The following PTPRG variants were observed in gnomAD, a reference collection of about 807,000 sequenced individuals.
PTPRG encodes receptor-type tyrosine-protein phosphatase gamma.
PTPRG carries 102 observed loss-of-function variants against 165.3 expected under a neutral mutation model. That is an observed-to-expected ratio of 0.62 (90% CI 0.53 to 0.73). The LOEUF (loss-of-function observed/expected upper bound fraction) is 0.73, where lower values mean the gene tolerates loss of function less well. Among genes scored for constraint, PTPRG ranks in the 30% least tolerant of loss-of-function variants. The pLI, the probability that PTPRG is intolerant of heterozygous loss-of-function variation, is 0.00. For missense variants in PTPRG, 1,866 were observed against 1,861.4 expected (o/e 1.00, Z -0.05); for synonymous variants, 675 against 669.5 (o/e 1.01, Z -0.13).
At chr3:62,265,511 C>T (rs763963362) in intron 17 of PTPRG, among the ~76,000 whole-genome samples, 1 of 151,992 alleles carries the variant, frequency 6.6e-6, no homozygotes, top group Non-Finnish European at 1.5e-5. Flanking sequence ...TTCTTGATTC[C>T]TTGAATTTCT....
intron 1 of PTPRG, among the ~76,000 whole-genome samples, chr3:61,744,766 A>T (rs943518306): frequency 6.6e-6 from 1 of 152,220 alleles, no homozygotes; most frequent in Non-Finnish European, 1.5e-5. Flanking sequence ...TGCTGAGGTT[A>T]AAAGTCCTGC....
intron 2 of PTPRG, among the ~76,000 whole-genome samples, chr3:61,889,471 A>G (rs2038146776): frequency 6.6e-6 from 1 of 152,238 alleles, no homozygotes; most frequent in African/African-American, 2.4e-5. Context: ...CTTGATTAGC[A>G]AAGTTAAATT....
intron 2 of PTPRG, among the ~76,000 whole-genome samples, chr3:61,876,851 C>T (rs184829902): frequency 1.3e-5 from 2 of 152,128 alleles, no homozygotes; most frequent in African/African-American, 4.8e-5. Flanking sequence ...ATACTTCTGC[C>T]TAATATCATT....
chr3:62,157,136 G>A lies in PTPRG; in HGVS notation c.752G>A (p.Arg251Gln), dbSNP rs921686524. 3 of 1,613,258 alleles carry A rather than the reference G, an allele frequency of 1.9e-6. No individual in the cohort carries two copies. Among genetic ancestry groups the A allele is most frequent in the East Asian group, 2.2e-5 (1 of 44,858 alleles). ...CCTGCATCCCTGGGCAGCTATTATC[G>A]GTACACAGGTTCCTTGACCACACCA... is the stretch of plus-strand genomic sequence containing the variant. ...LLPASLGSYY[R>Q]YTGSLTTPPC... The change falls in exon 7 of 30, where the codon CGG (arginine) becomes CAG (glutamine). Residue 251 changes from arginine to glutamine, a missense_variant. Physicochemically the swap from Arg to Gln is conservative, Grantham distance 43. Transcript: ENST00000474889.
At chr3:62,278,896 C>G (rs1702329363) in intron 26 of PTPRG, among the ~76,000 whole-genome samples, 1 of 152,044 alleles carries the variant, frequency 6.6e-6, no homozygotes, top group Non-Finnish European at 1.5e-5. Flanking sequence ...GTTATTGTCA[C>G]TTAACAGAGG....
intron 4 of PTPRG, among the ~76,000 whole-genome samples, chr3:62,071,784 G>A (rs1201612842): frequency 6.6e-6 from 1 of 152,132 alleles, no homozygotes; most frequent in South Asian, 2.1e-4. Context: ...TAGGAGCTTT[G>A]TAAATTTCAA....
intron 28 of PTPRG, among the ~76,000 whole-genome samples, chr3:62,289,815 G>A (rs985602736): frequency 6.7e-6 from 1 of 148,894 alleles, no homozygotes; most frequent in African/African-American, 2.5e-5. Flanking sequence ...TAAAAACTTA[G>A]AAGCTTGAAC....
chr3:62,058,420 C>G (rs1173337451), intron 4 of PTPRG, among the ~76,000 whole-genome samples: 1 of 152,042 alleles, frequency 6.6e-6, no homozygotes, highest in South Asian at 2.1e-4. Flanking sequence ...ATCTTCCCAC[C>G]TCAGTCTCTG....
intron 6 of PTPRG, among the ~76,000 whole-genome samples, chr3:62,149,521 G>A (rs1358419936): frequency 6.6e-6 from 1 of 152,094 alleles, no homozygotes; most frequent in African/African-American, 2.4e-5. Flanking sequence ...ACCCACCTTG[G>A]CCTCCCCCAA....
At chr3:61,753,910 A>G (rs1191241551) in intron 2 of PTPRG, among the ~76,000 whole-genome samples, 3 of 152,096 alleles carry the variant, frequency 2.0e-5, no homozygotes, top group African/African-American at 7.2e-5. Context: ...GCATTTTTAT[A>G]TATAAAGTTA....
chr3:61,839,914 A>T (rs1397369254), intron 2 of PTPRG, among the ~76,000 whole-genome samples: 3 of 152,254 alleles, frequency 2.0e-5, no homozygotes, highest in African/African-American at 7.2e-5. Context: ...TTGTAATCCT[A>T]ATGCATCTTA....
intron 1 of PTPRG, among the ~76,000 whole-genome samples, chr3:61,618,972 T>C (rs59716534): frequency 0.055 from 3,952 of 71,656 alleles, 217 homozygotes; most frequent in African/African-American, 0.18. Context: ...TGAGATCCTG[T>C]CTCAAAAAAA....
chr3:62,195,207 CT>C lies in PTPRG; in HGVS notation c.1327+38del. On this transcript the variant is annotated intron_variant, in intron 10 of 29. Transcript: ENST00000474889. The surrounding 1 kb of genome is among the most constrained non-coding windows in gnomAD (Gnocchi z 4.4). ...TTCCCCTCCTGTGGCCGGGGTGCCC[CT>C]GAGACTCCCTCCCAATGCTTTCTGC... 6.5e-7 allele frequency: 1 copy of C among 1,541,008 alleles called. No individual in the cohort carries two copies. Among genetic ancestry groups the C allele is most frequent in the Non-Finnish European group, 9.0e-7 (1 of 1,113,620 alleles).
At chr3:62,230,772 A>G (rs1036633202) in intron 13 of PTPRG, among the ~76,000 whole-genome samples, 19 of 152,188 alleles carry the variant, frequency 1.2e-4, no homozygotes, top group Non-Finnish European at 1.9e-4. Context: ...CAAAACCCGA[A>G]ATGTGTCTAA....
chr3:61,779,300 TAATGCTATACAAGTAGG>T (rs1559607428), intron 2 of PTPRG, among the ~76,000 whole-genome samples: 1 of 152,122 alleles, frequency 6.6e-6, no homozygotes, highest in Non-Finnish European at 1.5e-5. Context: ...GTGGAAGATA[TAATGCTATACAAGTAGG>T]TTTTGACTCC....
At chr3:61,962,913 T>A (rs1322977233) in intron 2 of PTPRG, among the ~76,000 whole-genome samples, 1 of 152,170 alleles carries the variant, frequency 6.6e-6, no homozygotes, top group Non-Finnish European at 1.5e-5. Flanking sequence ...TAATTTAATT[T>A]TTAAAAATAG....
intron 1 of PTPRG, among the ~76,000 whole-genome samples, chr3:61,688,081 AT>A (rs1703696004): frequency 6.6e-6 from 1 of 152,196 alleles, no homozygotes; most frequent in South Asian, 2.1e-4. Flanking sequence ...TGTGGCTGAC[AT>A]CACTTTCATG....
At chr3:61,617,691 A>G (rs1701334677) in intron 1 of PTPRG, among the ~76,000 whole-genome samples, 2 of 152,192 alleles carry the variant, frequency 1.3e-5, no homozygotes, top group African/African-American at 4.8e-5. Context: ...ACCTGAATCT[A>G]ACACTGAAGA....
At chr3:62,239,174 G>T (rs1701098983) in intron 14 of PTPRG, among the ~76,000 whole-genome samples, 1 of 152,062 alleles carries the variant, frequency 6.6e-6, no homozygotes, top group Admixed American at 6.6e-5. Flanking sequence ...TCACTGAAGA[G>T]AAATGATAAT....
Sources: gnomAD v4.1 joint callset for allele counts (sites outside exome capture counted in the v4.1 genomes callset) on GRCh38, gnomAD v4.1.1 for gene constraint, Gnocchi (gnomAD v3.1) non-coding constraint, MANE v1.5 for transcripts, NCBI Gene and HGNC (gene_info 2026-07-23, HGNC 2026-07-21) for gene names.